Variants in BMERB1 observed in about 807,000 individuals in gnomAD.
BMERB1 encodes the protein bMERB domain-containing protein 1.
In BMERB1, 12 loss-of-function variants were observed where a neutral mutation model predicts 23.6. The observed-to-expected ratio is 0.51, with a 90% CI of 0.33 to 0.82. BMERB1 has a LOEUF of 0.82. BMERB1 is among the 40% of genes least tolerant of loss of function. BMERB1 has a pLI of 0.03. For synonymous variants in BMERB1, 122 were observed against 96.6 expected, an observed-to-expected ratio of 1.26 and a Z score of -1.54; for missense variants, 247 against 255.4, an observed-to-expected ratio of 0.97 and a Z score of 0.22.
chr16:15,540,160 A>G (rs1343267504), intron 2 of BMERB1, among the ~76,000 whole-genome samples: 1 of 152,092 alleles, frequency 6.6e-6, no homozygotes, highest in African/African-American at 2.4e-5. Flanking sequence ...AAATATATAT[A>G]ATTTTCATGT....
intron 1 of BMERB1, among the ~76,000 whole-genome samples, chr16:15,436,614 G>C (rs1398094240): frequency 6.6e-6 from 1 of 151,894 alleles, no homozygotes; most frequent in East Asian, 1.9e-4. Flanking sequence ...ATCGTGTTGT[G>C]CTATCAGATA....
chr16:15,434,828 C>G, intron 1 of BMERB1, 69 bp downstream of exon 1: 1 of 1,379,860 alleles, frequency 7.2e-7, no homozygotes, highest in African/African-American at 1.4e-5. Context: ...CGGGTGGTCG[C>G]GGGAGCGCGA....
Position 15,511,471 on chromosome 16 carries a change from C to G in BMERB1, c.107-3834C>G, listed in dbSNP as rs115495552. Among the ~76,000 whole-genome samples the G allele has an allele frequency of 2.5e-3, 383 of 152,286 alleles. 2 individuals are homozygous for G. Among genetic ancestry groups the G allele is most frequent in the African/African-American group, 8.4e-3 (351 of 41,574 alleles). ...CTCCACTCTCTTCCTCCCACTTATACAGTTGTTCAGTGACCCCCTCTCCAA... is the reference window on the plus strand; with the variant it reads ...CTCCACTCTCTTCCTCCCACTTATAGAGTTGTTCAGTGACCCCCTCTCCAA... On this transcript the variant is annotated intron_variant, in intron 1 of 5. Coordinates refer to ENST00000300006, the MANE Select transcript of BMERB1 (RefSeq NM_033201.3).
chr16:15,437,497 T>C (rs1250014170), intron 1 of BMERB1, among the ~76,000 whole-genome samples: 1 of 152,234 alleles, frequency 6.6e-6, no homozygotes, highest in Non-Finnish European at 1.5e-5. Context: ...CAAGGAATTA[T>C]GTAAATATTG....
In BMERB1 at chr16:15,477,906, G is replaced by A. The variant is rs946148989; in HGVS notation, c.107-37399G>A. Among the ~76,000 whole-genome samples, 3 of 152,250 alleles carry A rather than the reference G, an allele frequency of 2.0e-5. No homozygotes were observed. The East Asian group carries it at 5.8e-4, about 29-fold the overall frequency. On this transcript the variant is annotated intron_variant, in intron 1 of 5. Transcript: ENST00000300006. ...CAGAATCTCCTTATGCTTGTCTGCTGTGTTATGTCTGTGAGTTATCAGTTG... is the reference window on the plus strand; with the variant it reads ...CAGAATCTCCTTATGCTTGTCTGCTATGTTATGTCTGTGAGTTATCAGTTG...
chr16:15,474,939 G>C (rs1258193343), intron 1 of BMERB1, among the ~76,000 whole-genome samples: 3 of 151,470 alleles, frequency 2.0e-5, no homozygotes, highest in African/African-American at 7.3e-5. Context: ...CTACCCGCTT[G>C]GCCTCCCAAA....
chr16:15,475,877 A>G (rs187824515), intron 1 of BMERB1, among the ~76,000 whole-genome samples: 3 of 152,306 alleles, frequency 2.0e-5, no homozygotes, highest in East Asian at 1.9e-4. Flanking sequence ...AGCTCTCCCA[A>G]GCCTTGGTGT....
chr16:15,584,089 T>A, intron 5 of BMERB1: 2 of 701,606 alleles, frequency 2.9e-6, no homozygotes, highest in Admixed American at 2.0e-5. Flanking sequence ...GGGTTTTATA[T>A]GAAATAAGTT....
chr16:15,560,405 A>G (rs544253621), intron 2 of BMERB1, among the ~76,000 whole-genome samples: 54 of 152,288 alleles, frequency 3.5e-4, no homozygotes, highest in Admixed American at 2.6e-3. Context: ...GGTTCTGCAT[A>G]CTTTCATCTT....
rs144019696 is a variant in BMERB1 at position 15,486,621 on chromosome 16, G to A, written c.107-28684G>A. Among the ~76,000 whole-genome samples the A allele has an allele frequency of 3.6e-3, 546 of 152,242 alleles. 2 individuals are homozygous for A. The highest frequency in any genetic ancestry group is 0.012 in the African/African-American group (499 of 41,548). ...TGAGTTCCATTGTATCAACATGATC[G>A]TGTTAGTGGTCCAGAAATACTTCTG... On this transcript the variant is annotated intron_variant, in intron 1 of 5. Transcript: ENST00000300006.
At chr16:15,438,789 G>C (rs954523297) in intron 1 of BMERB1, among the ~76,000 whole-genome samples, 1 of 152,246 alleles carries the variant, frequency 6.6e-6, no homozygotes, top group African/African-American at 2.4e-5. Flanking sequence ...TTGCACGCAG[G>C]GGGTGTTTGA....
chr16:15,578,914 C>T (rs944368117), intron 3 of BMERB1, among the ~76,000 whole-genome samples: 12 of 152,302 alleles, frequency 7.9e-5, no homozygotes, highest in African/African-American at 2.4e-4. Context: ...GTGGCACACA[C>T]GCACGTGAGC....
At chr16:15,571,314 A>G (rs2030718838) in intron 3 of BMERB1, among the ~76,000 whole-genome samples, 1 of 152,274 alleles carries the variant, frequency 6.6e-6, no homozygotes, top group South Asian at 2.1e-4. Context: ...CACTATACCA[A>G]AAGGAAAAGT....
chr16:15,543,737 CT>C (rs1422061040), intron 2 of BMERB1, among the ~76,000 whole-genome samples: 1 of 152,126 alleles, frequency 6.6e-6, no homozygotes. Flanking sequence ...GGGAAGATTG[CT>C]TAAACCTGAG....
chr16:15,535,047 C>T (rs1189497669), intron 2 of BMERB1, among the ~76,000 whole-genome samples: 1 of 152,128 alleles, frequency 6.6e-6, no homozygotes, highest in Non-Finnish European at 1.5e-5. Flanking sequence ...GTCTGTGCTG[C>T]AATATTCTAT....
intron 2 of BMERB1, among the ~76,000 whole-genome samples, chr16:15,533,430 T>A (rs1040557744): frequency 6.6e-6 from 1 of 151,450 alleles, no homozygotes; most frequent in Admixed American, 6.6e-5. Context: ...GAGTCTATTG[T>A]GTTGCCCAGG....
chr16:15,434,858 C>G, intron 1 of BMERB1, 99 bp downstream of exon 1: 1 of 992,820 alleles, frequency 1.0e-6, no homozygotes, highest in Non-Finnish European at 1.5e-6. Flanking sequence ...GCAGTGGACC[C>G]AGGGAAGCGC....
At chr16:15,484,407 C>T (rs908272823) in intron 1 of BMERB1, among the ~76,000 whole-genome samples, 9 of 146,494 alleles carry the variant, frequency 6.1e-5, no homozygotes, top group African/African-American at 2.0e-4. Flanking sequence ...CCCCCAACCT[C>T]TTTTTTTTTT....
At chr16:15,532,837 G>A (rs903443750) in intron 2 of BMERB1, 8 of 369,846 alleles carry the variant, frequency 2.2e-5, no homozygotes, top group Middle Eastern at 9.6e-4. Context: ...GAGCCACCGC[G>A]CCTGGCCAGA....
Sources: allele counts gnomAD v4.1 joint callset (sites outside exome capture counted in the v4.1 genomes callset), GRCh38; gene constraint gnomAD v4.1.1; transcripts MANE v1.5; gene names NCBI Gene and HGNC (gene_info 2026-07-23, HGNC 2026-07-21).